Variants in SPG11 observed in about 807,000 individuals in gnomAD.
SPG11 encodes spatacsin.
SPG11 carries 222 observed loss-of-function variants against 274.0 expected under a neutral mutation model. The observed-to-expected ratio is 0.81, with a 90% CI of 0.73 to 0.91. The LOEUF is 0.91. Among genes scored for constraint, SPG11 ranks in the 40% least tolerant of loss-of-function variants. SPG11 has a pLI of 0.00. For missense variants in SPG11, 3,114 were observed against 2,872.7 expected, an observed-to-expected ratio of 1.08 and a Z score of -1.92; for synonymous variants, 1,144 against 1,039.7, an observed-to-expected ratio of 1.10 and a Z score of -1.93.
intron 7 of SPG11, among the ~76,000 whole-genome samples, chr15:44,635,131 G>C (rs922261446): frequency 3.9e-5 from 6 of 151,946 alleles, no homozygotes; most frequent in Non-Finnish European, 7.4e-5. Context: ...CAGGAGAATC[G>C]CTGGAACCCG....
intron 11 of SPG11, among the ~76,000 whole-genome samples, chr15:44,623,212 G>T (rs1327498492): frequency 6.6e-6 from 1 of 152,020 alleles, no homozygotes; most frequent in Non-Finnish European, 1.5e-5. Context: ...GCCTCCCAAG[G>T]TGCTAGGATT....
At chr15:44,608,899 A>G (rs544589127) in intron 18 of SPG11, among the ~76,000 whole-genome samples, 1 of 152,234 alleles carries the variant, frequency 6.6e-6, no homozygotes, top group South Asian at 2.1e-4. Flanking sequence ...TGTTTGAAAA[A>G]CAGCTCTGCC....
chr15:44,652,040 T>A, intron 5 of SPG11, 89 bp downstream of exon 5: 1 of 1,562,212 alleles, frequency 6.4e-7, no homozygotes, highest in Non-Finnish European at 8.7e-7. Flanking sequence ...AAAAAGTATC[T>A]ATCAAATAAA....
chr15:44,609,895 ATTTTTTTTTT>A (rs771457335), intron 18 of SPG11, among the ~76,000 whole-genome samples: 1,137 of 106,134 alleles, frequency 0.011, 31 homozygotes, highest in African/African-American at 0.043. Flanking sequence ...TGCCCAGCTA[ATTTTTTTTTT>A]TTTTTTTTTT....
At chr15:44,653,096 G>GA (rs1180482179) in intron 4 of SPG11, among the ~76,000 whole-genome samples, 3 of 152,132 alleles carry the variant, frequency 2.0e-5, no homozygotes, top group African/African-American at 7.2e-5. Flanking sequence ...CTAATGTACA[G>GA]AAAATGAGAA....
Position 44,642,445 on chromosome 15 carries a change from C to T in SPG11, c.1602+6421G>A, listed in dbSNP as rs377614855. Among the ~76,000 whole-genome samples, 71 of 144,912 alleles carry T rather than the reference C, an allele frequency of 4.9e-4. No homozygotes were observed. In the South Asian group the frequency reaches 0.01, roughly 21 times the overall value. On this transcript the variant is annotated intron_variant, in intron 7 of 39. Transcript: ENST00000261866. ...TGTAAAATATATAATTATATATATACACACACACACATACACAGTGGTTCC... is the reference window on the plus strand; with the variant it reads ...TGTAAAATATATAATTATATATATATACACACACACATACACAGTGGTTCC...
rs1482197593 is a variant in SPG11 at position 44,596,319 on chromosome 15, G to C, written c.4198C>G (p.Gln1400Glu). Residue 1400 changes from glutamine to glutamate, a missense_variant, in exon 25 of 40, where the codon CAA (glutamine) becomes GAA (glutamate). Transcript: ENST00000261866. ...SLIQYFSPVI[Q>E]DHLRLAFENL... ...TCAAAAGCCAGCCTTAAGTGGTCTT[G>C]AATGACTGGGCTGAAGTACTGGATA... 1 of 1,614,184 alleles carries C rather than the reference G, an allele frequency of 6.2e-7. No homozygotes were observed. The highest frequency in any genetic ancestry group is 8.5e-7 in the Non-Finnish European group (1 of 1,180,042).
In SPG11 at chr15:44,585,315, C is replaced by T. The variant is rs551999017; in HGVS notation, c.5121+321G>A. 9.0e-4 allele frequency among the ~76,000 whole-genome samples: 136 copies of T among 151,102 alleles called. 1 individual carries two copies. The highest frequency in any genetic ancestry group is 3.1e-3 in the African/African-American group (127 of 41,164). On this transcript the variant is annotated intron_variant, in intron 29 of 39. Coordinates refer to ENST00000261866, the MANE Select transcript of SPG11 (RefSeq NM_025137.4). Reference sequence around the variant, plus strand: ...ACTTAAAAAGACCAATGAGGCTGGGCGTGGTGGCTCACGCCTGTAATCCCA... The same window carrying T: ...ACTTAAAAAGACCAATGAGGCTGGGTGTGGTGGCTCACGCCTGTAATCCCA...
chr15:44,584,383 C>T lies in SPG11; in HGVS notation c.5297G>A (p.Trp1766Ter). 1 of 1,613,650 alleles carries T rather than the reference C, an allele frequency of 6.2e-7. No individual in the cohort carries two copies. Among genetic ancestry groups the T allele is most frequent in the Non-Finnish European group, 8.5e-7 (1 of 1,179,706 alleles). The change falls in exon 30 of 40, where the codon TGG becomes TAG. Residue 1766 changes from tryptophan (W) to a stop codon, truncating the protein, a stop_gained. Coordinates refer to ENST00000261866, the MANE Select transcript of SPG11 (RefSeq NM_025137.4). LOFTEE classifies it high-confidence loss of function. ...CAGATGGCGCTCCTCCATGCTGCTCCATCCAGTTGGGTGCTCACATGCCAC... is the reference window on the plus strand; with the variant it reads ...CAGATGGCGCTCCTCCATGCTGCTCTATCCAGTTGGGTGCTCACATGCCAC... ...AHVACEHPTG[W>*]SSMEERHLLL...
chr15:44,617,615 A>G (rs2083621985), intron 15 of SPG11, among the ~76,000 whole-genome samples: 2 of 152,174 alleles, frequency 1.3e-5, no homozygotes, highest in East Asian at 1.9e-4. Context: ...CAGCTTTAGA[A>G]TAAGTTTTGA....
chr15:44,635,545 G>GCAGTGAGCTGTGATTGCGT (rs2084216217), intron 7 of SPG11, among the ~76,000 whole-genome samples: 1 of 138,290 alleles, frequency 7.2e-6, no homozygotes, highest in Non-Finnish European at 1.5e-5. Context: ...AGTTGAGGCT[G>GCAGTGAGCTGTGATTGCGT]CAGTGAGCTG....
intron 30 of SPG11, among the ~76,000 whole-genome samples, chr15:44,580,883 A>AG (rs2082646247): frequency 6.6e-6 from 1 of 152,228 alleles, no homozygotes; most frequent in South Asian, 2.1e-4. Flanking sequence ...CCAGAAAGAG[A>AG]GGAGGTAGGG....
At chr15:44,580,577 G>C (rs1337500126) in intron 30 of SPG11, among the ~76,000 whole-genome samples, 1 of 152,206 alleles carries the variant, frequency 6.6e-6, no homozygotes, top group Non-Finnish European at 1.5e-5. Context: ...AAGAGATCGA[G>C]GCCATCCTGG....
At position 44,649,025 on chromosome 15, in the gene SPG11, A is replaced by G. The variant is rs747106932; in HGVS notation, c.1457-14T>C. ...AGAGTCCATTCTCTATAGGAAAAAT[A>G]AAAGTTAGCTTTAACAAATTAGATT... On this transcript the variant is annotated splice_polypyrimidine_tract_variant and intron_variant, in intron 6 of 39. Coordinates refer to ENST00000261866, the MANE Select transcript of SPG11 (RefSeq NM_025137.4). The G allele has an allele frequency of 1.2e-6, 2 of 1,607,430 alleles. No individual in the cohort carries two copies. The highest frequency in any genetic ancestry group is 1.7e-6 in the Non-Finnish European group (2 of 1,174,230).
At chr15:44,576,633 A>G (rs1239360496) in intron 30 of SPG11, among the ~76,000 whole-genome samples, 1 of 150,110 alleles carries the variant, frequency 6.7e-6, no homozygotes, top group East Asian at 2.0e-4. Context: ...TGGGCGACAG[A>G]GCGAGACTCT....
In SPG11 at chr15:44,613,297, G is replaced by A. The variant is rs564707406; in HGVS notation, c.3145+133C>T. The A allele has an allele frequency of 4.4e-4, 302 of 693,404 alleles. 1 individual carries two copies. In the African/African-American group the frequency reaches 5.1e-3, roughly 12 times the overall value. 43.0% of individuals were successfully genotyped at this position (693,404 alleles called of 1,614,324 possible). On this transcript the variant is annotated intron_variant, in intron 17 of 39. Transcript: ENST00000261866. ...TCCTTCTGCTTCTTACCTCAAGTGTGAGCCTAGATTACATTCAGATAGCTG... is the reference window on the plus strand; with the variant it reads ...TCCTTCTGCTTCTTACCTCAAGTGTAAGCCTAGATTACATTCAGATAGCTG...
At chr15:44,587,655 C>A (rs1208621858) in intron 28 of SPG11, among the ~76,000 whole-genome samples, 1 of 135,244 alleles carries the variant, frequency 7.4e-6, no homozygotes, top group Non-Finnish European at 1.5e-5. Flanking sequence ...GAGAACGTGC[C>A]ACTGCACTCC....
chr15:44,594,988 T>C lies in SPG11; in HGVS notation c.4635+271A>G, dbSNP rs181434083. ...CACGCCACCATGCCTGGCTAATTTT[T>C]GTATTTTTAGTAGAGACAGGGTTTC... On this transcript the variant is annotated intron_variant, in intron 26 of 39. Coordinates refer to ENST00000261866, the MANE Select transcript of SPG11 (RefSeq NM_025137.4). Among the ~76,000 whole-genome samples the C allele has an allele frequency of 9.7e-4, 147 of 152,224 alleles. 1 individual carries two copies. The highest frequency in any genetic ancestry group is 1.4e-3 in the Non-Finnish European group (94 of 68,010).
chr15:44,580,273 T>C (rs1456992595), intron 30 of SPG11, among the ~76,000 whole-genome samples: 1 of 152,220 alleles, frequency 6.6e-6, no homozygotes, highest in African/African-American at 2.4e-5. Context: ...CTATATATCA[T>C]GTAGTATAGG....
Sources: gnomAD v4.1 joint callset for allele counts (sites outside exome capture counted in the v4.1 genomes callset) on GRCh38, gnomAD v4.1.1 for gene constraint, MANE v1.5 for transcripts, NCBI Gene and HGNC (gene_info 2026-07-23, HGNC 2026-07-21) for gene names.